The following ANKFN1 variants were observed in gnomAD, a reference collection of about 807,000 sequenced individuals.
ANKFN1 encodes the protein ankyrin repeat and fibronectin type III domain containing 1.
ANKFN1 carries 74 observed loss-of-function variants against 108.7 expected under a neutral mutation model. That is an observed-to-expected ratio of 0.68 (90% CI 0.56 to 0.83). The LOEUF (loss-of-function observed/expected upper bound fraction) is 0.83, where lower values mean the gene tolerates loss of function less well. ANKFN1 is among the 40% of genes least tolerant of loss of function. The pLI is 0.00. For synonymous variants in ANKFN1, 547 were observed against 516.2 expected, an observed-to-expected ratio of 1.06 and a Z score of -0.81; for missense variants, 1,505 against 1,382.3, an observed-to-expected ratio of 1.09 and a Z score of -1.41.
intron 8 of ANKFN1, among the ~76,000 whole-genome samples, chr17:56,392,859 C>A (rs1241931659): frequency 6.6e-5 from 10 of 152,070 alleles, no homozygotes; most frequent in Admixed American, 6.5e-4. Context: ...TAATATTTAC[C>A]ATTTAACTAT....
chr17:56,143,371 C>T (rs564809801), intron 4 of ANKFN1, among the ~76,000 whole-genome samples: 2 of 152,260 alleles, frequency 1.3e-5, no homozygotes, highest in African/African-American at 4.8e-5. Flanking sequence ...CACTTTCACA[C>T]AAGCAGCCCC....
intron 4 of ANKFN1, among the ~76,000 whole-genome samples, chr17:56,082,851 C>A (rs1905265131): frequency 7.1e-6 from 1 of 141,396 alleles, no homozygotes; most frequent in African/African-American, 2.6e-5. Flanking sequence ...GCCATTGCAC[C>A]TGTCCCAGTG....
chr17:56,372,958 A>G, intron 7 of ANKFN1, 118 bp downstream of exon 7: 2 of 1,045,002 alleles, frequency 1.9e-6, no homozygotes, highest in Non-Finnish European at 2.7e-6. Context: ...GGCCGTTGTC[A>G]GCCTGTATGG....
intron 3 of ANKFN1, among the ~76,000 whole-genome samples, chr17:56,295,220 G>C (rs1248439358): frequency 2.0e-5 from 3 of 152,196 alleles, no homozygotes; most frequent in African/African-American, 7.2e-5. Flanking sequence ...CCCAATTCTT[G>C]AGACGGTCAT....
At chr17:56,367,007 T>C (rs2046681175) in intron 6 of ANKFN1, among the ~76,000 whole-genome samples, 1 of 152,212 alleles carries the variant, frequency 6.6e-6, no homozygotes, top group African/African-American at 2.4e-5. Flanking sequence ...GGGAGGTAAC[T>C]GAGGTTGGTT....
chr17:56,049,660 C>A (rs574828924), intron 4 of ANKFN1, among the ~76,000 whole-genome samples: 8 of 150,230 alleles, frequency 5.3e-5, no homozygotes, highest in African/African-American at 2.0e-4. Context: ...TTTGTTCTTG[C>A]GATAGTTTAC....
At chr17:56,347,977 G>T (rs1261622254) in intron 4 of ANKFN1, among the ~76,000 whole-genome samples, 1 of 152,078 alleles carries the variant, frequency 6.6e-6, no homozygotes, top group Non-Finnish European at 1.5e-5. Context: ...CAATAATGAT[G>T]TAGAGAAAAC....
rs1906931693 is a variant in ANKFN1, at chr17:56,126,347, C to T, written c.288+80022C>T. 2.0e-5 allele frequency among the ~76,000 whole-genome samples: 3 copies of T among 152,066 alleles called. No homozygotes were observed. In the South Asian group the frequency reaches 6.2e-4, roughly 32 times the overall value. ...ACTGGCTCCCCCTGCCAGACGACAG[C>T]GGATCACAATGAAGGCATGCTGTCT... On this transcript the variant is annotated intron_variant, in intron 4 of 12. Transcript: ENST00000635860.
chr17:56,107,471 A>G (rs892495265), intron 4 of ANKFN1, among the ~76,000 whole-genome samples: 8 of 152,166 alleles, frequency 5.3e-5, no homozygotes, highest in Non-Finnish European at 1.2e-4. Flanking sequence ...AGGCAGAGCA[A>G]TTATTCATTC....
chr17:56,487,758 A>T (rs1482337002), intron 18 of ANKFN1, among the ~76,000 whole-genome samples: 1 of 152,228 alleles, frequency 6.6e-6, no homozygotes, highest in East Asian at 1.9e-4. Flanking sequence ...TTGAGTTTCA[A>T]AGGAAAGACA....
chr17:56,280,008 C>CTTTTTTTTTTTTTTTTTTTTTTTT lies in ANKFN1; in HGVS notation c.54-46197_54-46196insTTTTTTTTTTTTTTTTTTTTTTTT, dbSNP rs3086033. Among the ~76,000 whole-genome samples, 197 of 134,808 alleles carry CTTTTTTTTTTTTTTTTTTTTTTTT rather than the reference C, an allele frequency of 1.5e-3. 8 individuals carry two copies. Among genetic ancestry groups the CTTTTTTTTTTTTTTTTTTTTTTTT allele is most frequent in the African/African-American group, 5.3e-3 (182 of 34,032 alleles). The allele number at this position is 134,808 out of a possible 152,430, so 88.4% of individuals were successfully genotyped here. A position where few individuals can be genotyped will look rare whatever the true frequency, so the allele number is the denominator to read the frequency against. ...TTTCAGGTTGGGAGCCACATAATGTCTTTTTTTTTTTTTTTTCTCAAGACG... is the reference window on the plus strand; with the variant it reads ...TTTCAGGTTGGGAGCCACATAATGTCTTTTTTTTTTTTTTTTTTTTTTTTTTTTTTTTTTTTTTTTCTCAAGACG... On this transcript the variant is annotated intron_variant, in intron 3 of 20. Coordinates refer to ENST00000682825, the MANE Select transcript of ANKFN1 (RefSeq NM_001370326.1).
chr17:56,170,805 T>TACACACACACACACACACACACACAC (rs1383558821), intron 1 of ANKFN1, among the ~76,000 whole-genome samples: 14 of 72,138 alleles, frequency 1.9e-4, no homozygotes, highest in Admixed American at 5.6e-4. Context: ...TATATATATA[T>TACACACACACACACACACACACACAC]ATACACACAC....
chr17:56,454,518 T>C (rs752911993), intron 11 of ANKFN1, among the ~76,000 whole-genome samples: 4 of 152,218 alleles, frequency 2.6e-5, no homozygotes, highest in Non-Finnish European at 2.9e-5. Flanking sequence ...CAATGAATGC[T>C]CAGATTTCAG....
intron 8 of ANKFN1, among the ~76,000 whole-genome samples, chr17:56,436,736 A>G (rs1160548314): frequency 6.6e-6 from 1 of 151,834 alleles, no homozygotes; most frequent in African/African-American, 2.4e-5. Context: ...AGGCTGAGAC[A>G]GGAAAATCAC....
intron 14 of ANKFN1, among the ~76,000 whole-genome samples, chr17:56,465,175 G>A (rs1195603601): frequency 1.3e-5 from 2 of 152,020 alleles, no homozygotes; most frequent in Non-Finnish European, 2.9e-5. Flanking sequence ...TGGACTAAAA[G>A]CCACACCCAC....
intron 2 of ANKFN1, among the ~76,000 whole-genome samples, chr17:56,223,428 T>C (rs55838125): frequency 0.4 from 61,487 of 151,964 alleles, 13,198 homozygotes; most frequent in South Asian, 0.6. Context: ...TATAAAGAAA[T>C]CAAAACACAA....
intron 4 of ANKFN1, among the ~76,000 whole-genome samples, chr17:56,122,128 G>A (rs938885734): frequency 1.3e-5 from 2 of 152,152 alleles, no homozygotes; most frequent in African/African-American, 4.8e-5. Flanking sequence ...TCTGAGTAGT[G>A]GCTTTCCGAG....
intron 6 of ANKFN1, among the ~76,000 whole-genome samples, chr17:56,356,514 G>T (rs1261829783): frequency 6.6e-6 from 1 of 152,066 alleles, no homozygotes; most frequent in East Asian, 1.9e-4. Context: ...GCAGATCCTT[G>T]TATCAGAAAA....
Position 56,351,063 on chromosome 17 carries a change from T to C in ANKFN1, c.390+96T>C, listed in dbSNP as rs138269768. The C allele has an allele frequency of 8.0e-4, 1,021 of 1,269,474 alleles. 7 individuals are homozygous for C. Among genetic ancestry groups the C allele is most frequent in the East Asian group, 7.3e-3 (292 of 39,774 alleles). The allele number at this position is 1,269,474 out of a possible 1,614,324, so 78.6% of individuals were successfully genotyped here. A position where few individuals can be genotyped will look rare whatever the true frequency, so the allele number is the denominator to read the frequency against. On this transcript the variant is annotated intron_variant, in intron 5 of 20. Coordinates refer to ENST00000682825, the MANE Select transcript of ANKFN1 (RefSeq NM_001370326.1). Reference sequence around the variant, plus strand: ...AGATGATTCATGTTTACTTCAGAAGTTGATGCTTGCAATTTTATAAATGCT... The same window carrying C: ...AGATGATTCATGTTTACTTCAGAAGCTGATGCTTGCAATTTTATAAATGCT...
Sources: allele counts gnomAD v4.1 joint callset (sites outside exome capture counted in the v4.1 genomes callset), GRCh38; gene constraint gnomAD v4.1.1; transcripts MANE v1.5; gene names NCBI Gene and HGNC (gene_info 2026-07-23, HGNC 2026-07-21).